Variants in PKD1L3 observed in about 807,000 individuals in gnomAD.
PKD1L3 encodes polycystin-1-like protein 3.
In PKD1L3, 239 loss-of-function variants were observed where a neutral mutation model predicts 184.1. That is an observed-to-expected ratio of 1.30 (90% confidence interval 1.17 to 1.45). PKD1L3 has a LOEUF of 1.45. Among genes scored for constraint, PKD1L3 ranks in the 40% most tolerant of loss-of-function variants. PKD1L3 has a pLI of 0.00. For synonymous variants in PKD1L3, 996 were observed against 778.8 expected, an observed-to-expected ratio of 1.28 and a Z score of -4.64; for missense variants, 2,660 against 2,067.2, an observed-to-expected ratio of 1.29 and a Z score of -5.56.
At chr16:71,949,104 T>C (rs764009307) in intron 21 of PKD1L3, among the ~76,000 whole-genome samples, 1 of 152,188 alleles carries the variant, frequency 6.6e-6, no homozygotes, top group Non-Finnish European at 1.5e-5. Context: ...TTGGTTATTG[T>C]TGAAGCTGGG....
At chr16:71,957,406 A>G (rs2039089217) in intron 16 of PKD1L3, among the ~76,000 whole-genome samples, 1 of 152,014 alleles carries the variant, frequency 6.6e-6, no homozygotes, top group South Asian at 2.1e-4. Flanking sequence ...ACAAATTAAA[A>G]GATAGAGATT....
intron 23 of PKD1L3, among the ~76,000 whole-genome samples, chr16:71,943,828 A>G (rs1378932629): frequency 6.6e-6 from 1 of 152,228 alleles, no homozygotes; most frequent in Non-Finnish European, 1.5e-5. Flanking sequence ...ACTCAAGCAC[A>G]CAATAAAACC....
rs1344196830 is a variant in PKD1L3, at chr16:71,962,997, A to G, written c.2612+208T>C. Among the ~76,000 whole-genome samples the G allele has an allele frequency of 2.0e-5, 3 of 152,188 alleles. No homozygotes were observed. The East Asian group carries it at 5.8e-4, about 29-fold the overall frequency. ...TTCAGAAAATAAGGGCAATATTTAT[A>G]ATTTTTATACTTCGAATCTCTTTTT... On this transcript the variant is annotated intron_variant, in intron 16 of 29. Coordinates refer to ENST00000620267, the MANE Select transcript of PKD1L3 (RefSeq NM_181536.2).
At chr16:71,962,734 C>A (rs1486605793) in intron 16 of PKD1L3, among the ~76,000 whole-genome samples, 1 of 152,184 alleles carries the variant, frequency 6.6e-6, no homozygotes, top group Non-Finnish European at 1.5e-5. Flanking sequence ...CCTGCCTCAG[C>A]CTCCCAAAGT....
chr16:71,931,343 T>C (rs1436825960), intron 28 of PKD1L3: 1 of 152,116 alleles, frequency 6.6e-6, no homozygotes. Flanking sequence ...TCCCTTAGTA[T>C]CTGAGAGAGA....
At chr16:71,953,373 A>G (rs1323806157) in intron 17 of PKD1L3, among the ~76,000 whole-genome samples, 1 of 152,240 alleles carries the variant, frequency 6.6e-6, no homozygotes, top group Non-Finnish European at 1.5e-5. Flanking sequence ...ATAAAGAACT[A>G]TCTGAGACTG....
At chr16:71,990,478 A>T in intron 3 of PKD1L3, 149 bp from the exon 4 acceptor site, 2 of 586,660 alleles carry the variant, frequency 3.4e-6, no homozygotes, top group South Asian at 3.9e-5. Flanking sequence ...CATGTCTGTA[A>T]TCCCAGCACT....
rs1261961607 is a variant in PKD1L3 at position 71,984,108 on chromosome 16, G to C, written c.894C>G (p.Asn298Lys). Residue 298 changes from asparagine to lysine, a missense_variant, in exon 6 of 30, where the codon AAC becomes AAG. Transcript: ENST00000620267. ...SRAVHGLQAL[N>K]KLQEACEFLQ... is the part of the protein sequence containing the mutation. ...GGAACTCACAAGCTTCCTGTAGTTTGTTAAGAGCTTGCAAACCATGAACTG... is the reference window on the plus strand; with the variant it reads ...GGAACTCACAAGCTTCCTGTAGTTTCTTAAGAGCTTGCAAACCATGAACTG... The C allele has an allele frequency of 1.9e-6, 3 of 1,552,094 alleles. No individual in the cohort carries two copies. The highest frequency in any genetic ancestry group is 1.2e-5 in the South Asian group (1 of 84,062).
At chr16:71,951,529 T>A in intron 19 of PKD1L3, 35 bp downstream of exon 19, 1 of 1,524,754 alleles carries the variant, frequency 6.6e-7, no homozygotes, top group Non-Finnish European at 8.9e-7. Context: ...GGGAGGCAGA[T>A]GGAAGATTCG....
rs1204141557 is a variant in PKD1L3, at chr16:71,929,610, T to C, written c.5127A>G (p.Gln1709=). 1 of 1,551,876 alleles carries C rather than the reference T, an allele frequency of 6.4e-7. No individual in the cohort carries two copies. Among genetic ancestry groups the C allele is most frequent in the East Asian group, 2.4e-5 (1 of 40,922 alleles). Residue 1709 remains glutamine, a synonymous_variant, in exon 30 of 30, where the codon CAA becomes CAG. Transcript: ENST00000620267. ...TGGCTGCTTGCTCAGATGAGGTTTTTTGGGGCCAACTGATTCCTAACAAAT... is the reference window on the plus strand; with the variant it reads ...TGGCTGCTTGCTCAGATGAGGTTTTCTGGGGCCAACTGATTCCTAACAAAT... ...LSNLLGISWP[Q]KTSSEQAATT...
At chr16:71,983,687 G>GTTTC (rs1360422609) in intron 6 of PKD1L3, among the ~76,000 whole-genome samples, 1 of 109,396 alleles carries the variant, frequency 9.1e-6, no homozygotes, top group African/African-American at 3.6e-5. Flanking sequence ...TTTTTTTTTG[G>GTTTC]AGACACAGTC....
At chr16:71,935,900 GTCC>G (rs1170546997) in intron 25 of PKD1L3, among the ~76,000 whole-genome samples, 2 of 151,968 alleles carry the variant, frequency 1.3e-5, no homozygotes, top group Non-Finnish European at 2.9e-5. Context: ...GGCTCAAGCA[GTCC>G]TCCTACCTCA....
intron 21 of PKD1L3, among the ~76,000 whole-genome samples, chr16:71,948,803 T>TTAAAAAAAAAA (rs540911511): frequency 9.0e-4 from 73 of 81,210 alleles, no homozygotes; most frequent in African/African-American, 3.3e-3. Context: ...TTACATATAG[T>TTAAAAAAAAAA]AAAAAAAAAA....
chr16:71,973,231 C>CT (rs1349092844), intron 12 of PKD1L3, 93 bp downstream of exon 12: 1 of 1,380,818 alleles, frequency 7.2e-7, no homozygotes, highest in African/African-American at 1.5e-5. Flanking sequence ...GATTATTTTT[C>CT]TTTCTGGGCT....
At chr16:71,933,813 G>A in intron 27 of PKD1L3, 102 bp downstream of exon 27, 1 of 1,298,852 alleles carries the variant, frequency 7.7e-7, no homozygotes, top group Non-Finnish European at 1.1e-6. Context: ...CTTTCCTACT[G>A]TACCACCTCG....
rs983615493 is a variant in PKD1L3, at chr16:71,982,243, G to A, written c.967-8C>T. 2 of 1,330,298 alleles carry A rather than the reference G, an allele frequency of 1.5e-6. No individual in the cohort carries two copies. The highest frequency in any genetic ancestry group is 2.6e-5 in the Admixed American group (1 of 38,102). The allele number at this position is 1,330,298 out of a possible 1,614,324, so 82.4% of individuals were successfully genotyped here. On this transcript the variant is annotated splice_region_variant and splice_polypyrimidine_tract_variant and intron_variant, in intron 6 of 29. Coordinates refer to ENST00000620267, the MANE Select transcript of PKD1L3 (RefSeq NM_181536.2). ...GGAATTGATGAGATTAACCTGGGAG[G>A]ATTAGAAAGCAAACATACACCCTTG...
intron 24 of PKD1L3, among the ~76,000 whole-genome samples, chr16:71,939,083 G>A (rs2038275358): frequency 6.6e-6 from 1 of 152,236 alleles, no homozygotes; most frequent in African/African-American, 2.4e-5. Context: ...GCATCTCGAA[G>A]ATTCTAGGCA....
chr16:71,973,839 TA>T (rs1359039730), intron 11 of PKD1L3, among the ~76,000 whole-genome samples: 1 of 151,798 alleles, frequency 6.6e-6, no homozygotes, highest in Non-Finnish European at 1.5e-5. Flanking sequence ...CCATCTCTAC[TA>T]AAAATACAAA....
At chr16:71,974,517 C>A (rs2039845215) in intron 11 of PKD1L3, among the ~76,000 whole-genome samples, 1 of 152,136 alleles carries the variant, frequency 6.6e-6, no homozygotes, top group African/African-American at 2.4e-5. Flanking sequence ...CCTGTCTCTA[C>A]TAAAAACACA....
Sources: allele counts gnomAD v4.1 joint callset (sites outside exome capture counted in the v4.1 genomes callset), GRCh38; gene constraint gnomAD v4.1.1; transcripts MANE v1.5; gene names NCBI Gene and HGNC (gene_info 2026-07-23, HGNC 2026-07-21).